Variants in NFIB observed in about 807,000 individuals in gnomAD.
The protein encoded by NFIB is nuclear factor 1 B-type.
Under a neutral mutation model 61.5 loss-of-function variants are expected in NFIB, and 11 were observed. The ratio of observed to expected loss-of-function variants is 0.18; its 90% CI spans 0.11 to 0.30. NFIB has a LOEUF of 0.30. Ranked by LOEUF, NFIB falls within the 10% of genes least tolerant of loss-of-function variation. The pLI is 1.00. For missense variants in NFIB, 471 were observed against 608.9 expected (o/e 0.77, Z 2.38); for synonymous variants, 260 against 216.5 (o/e 1.20, Z -1.76).
intron 1 of NFIB, among the ~76,000 whole-genome samples, chr9:14,358,162 T>C (rs1274014563): frequency 6.6e-6 from 1 of 151,210 alleles, no homozygotes; most frequent in Non-Finnish European, 1.5e-5. Context: ...TAGACATAAG[T>C]TTATTTACAT....
chr9:14,095,271 T>C (rs549885036), intron 10 of NFIB, among the ~76,000 whole-genome samples: 38 of 152,226 alleles, frequency 2.5e-4, no homozygotes, highest in Non-Finnish European at 5.1e-4. Flanking sequence ...AAATGAAAGA[T>C]GAAAAATTAT....
chr9:14,399,992 G>A (rs552146603), upstream of NFIB, among the ~76,000 whole-genome samples: 2 of 151,936 alleles, frequency 1.3e-5, no homozygotes, highest in South Asian at 2.1e-4. Context: ...GTACGTAACA[G>A]CTAATCAGCT....
intron 1 of NFIB, among the ~76,000 whole-genome samples, chr9:14,348,542 T>A (rs1044115227): frequency 2.0e-5 from 3 of 152,216 alleles, no homozygotes; most frequent in African/African-American, 7.2e-5. Context: ...TCGGCTCCAG[T>A]TTAGCACGGC....
intron 1 of NFIB, among the ~76,000 whole-genome samples, chr9:14,348,938 C>T (rs553363755): frequency 1.3e-5 from 2 of 152,352 alleles, no homozygotes. Context: ...GCTTCCTGGG[C>T]TCCCGCCCCC....
At chr9:14,432,805 C>T in the NFIB span, among the ~76,000 whole-genome samples, 1 of 152,170 alleles carries the variant, frequency 6.6e-6, no homozygotes, top group African/African-American at 2.4e-5. Flanking sequence ...TTACTTACTT[C>T]ATAATGCTAT....
At chr9:14,521,268 T>C in the NFIB span, among the ~76,000 whole-genome samples, 1 of 152,200 alleles carries the variant, frequency 6.6e-6, no homozygotes, top group Admixed American at 6.5e-5. Flanking sequence ...TAAGGTTCTG[T>C]CCTCTAACTA....
At chr9:14,427,934 G>GT in the NFIB span, among the ~76,000 whole-genome samples, 3 of 25,978 alleles carry the variant, frequency 1.2e-4, no homozygotes, top group African/African-American at 1.1e-4. Flanking sequence ...CTTTAATTCA[G>GT]TTGTTTTTTT....
intron 2 of NFIB, among the ~76,000 whole-genome samples, chr9:14,198,038 G>C (rs961488809): frequency 1.3e-5 from 2 of 152,170 alleles, no homozygotes; most frequent in African/African-American, 4.8e-5. Flanking sequence ...CAGAATACAC[G>C]TTGCCCCCTA....
In NFIB at chr9:14,116,234, G is replaced by C; in HGVS notation, c.1358C>G (p.Thr453Ser). ...TTCAGTGGATGTAGTGATGGGTTTA[G>C]TATCTGTCATGCTCAGGGTCACAGG... is the stretch of plus-strand genomic sequence containing the variant. ...VRPVTLSMTD[T>S]KPITTSTEAY... Residue 453 changes from threonine to serine, a missense_variant, in exon 9 of 11, where the codon ACT becomes AGT. Transcript: ENST00000380953. 1 of 1,533,810 alleles carries C rather than the reference G, an allele frequency of 6.5e-7. No homozygotes were observed. Among genetic ancestry groups the C allele is most frequent in the Non-Finnish European group, 8.8e-7 (1 of 1,137,582 alleles).
At chr9:14,486,523 A>C in the NFIB span, among the ~76,000 whole-genome samples, 4 of 152,228 alleles carry the variant, frequency 2.6e-5, no homozygotes, top group African/African-American at 7.2e-5. Flanking sequence ...GTACCTGACA[A>C]ACTTGGTGCA....
At chr9:14,143,991 A>AGTGTGTGTGTGTGTGTGTGTGTGTGTGT (rs141101627) in intron 6 of NFIB, among the ~76,000 whole-genome samples, 5 of 134,230 alleles carry the variant, frequency 3.7e-5, no homozygotes, top group East Asian at 4.4e-4. Context: ...AAAGTGACAG[A>AGTGTGTGTGTGTGTGTGTGTGTGTGTGT]GTGTGTGTGT....
chr9:14,380,946 T>G (rs630973), intron 1 of NFIB, among the ~76,000 whole-genome samples: 20,886 of 151,576 alleles, frequency 0.14, 1,863 homozygotes, highest in East Asian at 0.24. Flanking sequence ...TGGAGGCCCC[T>G]GTTCCCTAAC....
intron 1 of NFIB, among the ~76,000 whole-genome samples, chr9:14,337,233 G>A (rs2060895696): frequency 6.6e-6 from 1 of 152,154 alleles, no homozygotes; most frequent in African/African-American, 2.4e-5. Flanking sequence ...TGCTCCAGAG[G>A]AGAAACAAGC....
chr9:14,316,590 G>C (rs1286876085), upstream of NFIB, among the ~76,000 whole-genome samples: 2 of 152,242 alleles, frequency 1.3e-5, no homozygotes, highest in African/African-American at 4.8e-5. Context: ...AGTCTTTATG[G>C]ATGAAAGAAA....
At chr9:14,466,686 C>A in the NFIB span, among the ~76,000 whole-genome samples, 1 of 152,322 alleles carries the variant, frequency 6.6e-6, no homozygotes, top group East Asian at 1.9e-4. Flanking sequence ...CTCTGCCCCC[C>A]AGGGTCTGCT....
chr9:14,219,046 G>A (rs117314998), intron 2 of NFIB, among the ~76,000 whole-genome samples: 19 of 151,964 alleles, frequency 1.3e-4, no homozygotes, highest in Non-Finnish European at 2.8e-4. Context: ...TTCAGTGCTG[G>A]CTCTTCATTA....
chr9:14,347,899 G>T (rs1377201297), intron 1 of NFIB, among the ~76,000 whole-genome samples: 1 of 152,172 alleles, frequency 6.6e-6, no homozygotes, highest in African/African-American at 2.4e-5. Context: ...GCGCGCGCGC[G>T]CCAGGGAGCT....
the NFIB span, among the ~76,000 whole-genome samples, chr9:14,466,227 AG>A: frequency 6.6e-6 from 1 of 152,226 alleles, no homozygotes; most frequent in South Asian, 2.1e-4. Flanking sequence ...TATCTTCAGC[AG>A]CTCAAATGAT....
chr9:14,201,892 T>C (rs1236118273), intron 2 of NFIB, among the ~76,000 whole-genome samples: 1 of 146,010 alleles, frequency 6.8e-6, no homozygotes, highest in African/African-American at 2.5e-5. Flanking sequence ...TATTTATCCA[T>C]TCGTTTATTT....
Sources: allele counts gnomAD v4.1 joint callset (sites outside exome capture counted in the v4.1 genomes callset), GRCh38; gene constraint gnomAD v4.1.1; transcripts MANE v1.5; gene names NCBI Gene and HGNC (gene_info 2026-07-23, HGNC 2026-07-21).